Variants in NRG3 observed in about 807,000 individuals in gnomAD.
The protein encoded by NRG3 is pro-neuregulin-3, membrane-bound isoform.
In NRG3, 31 loss-of-function variants were observed where a neutral mutation model predicts 66.9. The observed-to-expected ratio is 0.46, with a 90% confidence interval of 0.35 to 0.63. The LOEUF is 0.63. NRG3 is among the 20% of genes least tolerant of loss of function. The probability of loss-of-function intolerance (pLI) is 0.00; values close to 1 mark genes in which losing one functional copy is unlikely to be tolerated. For synonymous variants in NRG3, 393 were observed against 359.4 expected, an observed-to-expected ratio of 1.09 and a Z score of -1.06; for missense variants, 910 against 878.9, an observed-to-expected ratio of 1.04 and a Z score of -0.45.
intron 1 of NRG3, among the ~76,000 whole-genome samples, chr10:81,920,735 T>C (rs892527923): frequency 6.6e-6 from 1 of 152,186 alleles, no homozygotes; most frequent in Non-Finnish European, 1.5e-5. Flanking sequence ...ACACATCTTA[T>C]TTCACAAAAC....
intron 2 of NRG3, among the ~76,000 whole-genome samples, chr10:82,638,038 T>C (rs1278362317): frequency 2.6e-5 from 4 of 152,182 alleles, no homozygotes; most frequent in Non-Finnish European, 4.4e-5. Flanking sequence ...TTCACTATAT[T>C]GGAAACTTTC....
chr10:82,610,341 G>A (rs974436935), intron 2 of NRG3, among the ~76,000 whole-genome samples: 29 of 146,018 alleles, frequency 2.0e-4, no homozygotes, highest in Middle Eastern at 3.6e-3. Flanking sequence ...CGGTTTCAGG[G>A]ATTAGAGTGT....
intron 1 of NRG3, among the ~76,000 whole-genome samples, chr10:81,910,570 G>T (rs1845039268): frequency 6.6e-6 from 1 of 152,154 alleles, no homozygotes. Context: ...CTCCAGTGTT[G>T]CCTGTTTGTC....
intron 2 of NRG3, among the ~76,000 whole-genome samples, chr10:82,539,575 T>C (rs1305394801): frequency 6.6e-6 from 1 of 152,172 alleles, no homozygotes; most frequent in Non-Finnish European, 1.5e-5. Context: ...TTATGATTTT[T>C]TTCAATCTAA....
At chr10:82,731,381 A>G (rs2057895683) in intron 2 of NRG3, among the ~76,000 whole-genome samples, 1 of 140,154 alleles carries the variant, frequency 7.1e-6, no homozygotes, top group African/African-American at 2.5e-5. Flanking sequence ...AAAAAAAAAA[A>G]AAAAAGAAAA....
chr10:82,022,365 G>A (rs1016940358), intron 1 of NRG3, among the ~76,000 whole-genome samples: 2 of 152,030 alleles, frequency 1.3e-5, no homozygotes, highest in African/African-American at 2.4e-5. Flanking sequence ...GACAAACCCT[G>A]TCAGTCACAT....
rs12355006 is a variant in NRG3, at chr10:82,112,254, C to T, written c.823+236091C>T. Among the ~76,000 whole-genome samples the T allele has an allele frequency of 2.6e-5, 4 of 152,048 alleles. 1 individual carries two copies. The East Asian group carries it at 7.8e-4, about 29-fold the overall frequency. On this transcript the variant is annotated intron_variant, in intron 1 of 8. Transcript: ENST00000372141. ...TGAGACCCTGTCTTAAAAAAGAAAA[C>T]AAAAGAAAACAAAACACCTTGCCTA...
intron 1 of NRG3, among the ~76,000 whole-genome samples, chr10:82,166,550 C>T (rs2072073851): frequency 6.6e-6 from 1 of 151,610 alleles, no homozygotes; most frequent in Admixed American, 6.6e-5. Context: ...TTCACTTTTG[C>T]CCATATTATA....
At chr10:82,978,376 C>A (rs1347299831) in intron 7 of NRG3, among the ~76,000 whole-genome samples, 1 of 152,052 alleles carries the variant, frequency 6.6e-6, no homozygotes, top group African/African-American at 2.4e-5. Context: ...TTATTAAAAG[C>A]AAACTCAGAA....
At chr10:82,786,364 T>C (rs1429066718) in intron 3 of NRG3, among the ~76,000 whole-genome samples, 2 of 152,200 alleles carry the variant, frequency 1.3e-5, no homozygotes, top group African/African-American at 2.4e-5. Context: ...GATTATTGTC[T>C]AGTTTTAAGA....
At chr10:82,843,656 C>T (rs61860664) in intron 3 of NRG3, among the ~76,000 whole-genome samples, 1,999 of 152,128 alleles carry the variant, frequency 0.013, 24 homozygotes, top group Non-Finnish European at 0.02. Context: ...GTGAGCACAG[C>T]AAAGCACAGC....
intron 1 of NRG3, among the ~76,000 whole-genome samples, chr10:82,080,872 T>G (rs1201277220): frequency 1.3e-5 from 2 of 152,238 alleles, no homozygotes; most frequent in East Asian, 3.9e-4. Flanking sequence ...AAAATCTCTA[T>G]CCATTAAACA....
chr10:82,266,639 G>A lies in NRG3; in HGVS notation c.824-92100G>A, dbSNP rs114473270. 4.8e-3 allele frequency among the ~76,000 whole-genome samples: 737 copies of A among 152,180 alleles called. 7 individuals are homozygous for A. Among genetic ancestry groups the A allele is most frequent in the African/African-American group, 0.017 (702 of 41,534 alleles). On this transcript the variant is annotated intron_variant, in intron 1 of 8. Transcript: ENST00000372141. ...CCAGGATGTGGTACTGTTTTGACAC[G>A]GTCCAAGCTGGATGATGTAAGCAGG... is the stretch of plus-strand genomic sequence containing the variant.
intron 2 of NRG3, among the ~76,000 whole-genome samples, chr10:82,372,994 TTGAATAA>T (rs1489729427): frequency 3.9e-5 from 6 of 152,228 alleles, no homozygotes; most frequent in Non-Finnish European, 8.8e-5. Flanking sequence ...CTGATCATTG[TTGAATAA>T]TGAAACTTTA....
chr10:82,296,587 A>G (rs1221036729), intron 1 of NRG3, among the ~76,000 whole-genome samples: 1 of 152,216 alleles, frequency 6.6e-6, no homozygotes, highest in East Asian at 1.9e-4. Context: ...GACCATGCAT[A>G]CAAATTGTAA....
At chr10:82,272,530 G>T (rs2078650225) in intron 1 of NRG3, among the ~76,000 whole-genome samples, 1 of 151,952 alleles carries the variant, frequency 6.6e-6, no homozygotes, top group South Asian at 2.1e-4. Context: ...AGAATTTGGT[G>T]GCTATTTATG....
chr10:82,305,436 C>T (rs2080668771), intron 1 of NRG3, among the ~76,000 whole-genome samples: 1 of 152,038 alleles, frequency 6.6e-6, no homozygotes, highest in Non-Finnish European at 1.5e-5. Context: ...TGTTCAAAAA[C>T]CCCTTTAGAG....
chr10:82,416,411 G>A (rs1236204079), intron 2 of NRG3, among the ~76,000 whole-genome samples: 1 of 152,158 alleles, frequency 6.6e-6, no homozygotes, highest in Non-Finnish European at 1.5e-5. Context: ...CATTTGTATA[G>A]AGTGCCAAGC....
intron 1 of NRG3, among the ~76,000 whole-genome samples, chr10:82,016,443 T>A (rs1466961923): frequency 6.6e-6 from 1 of 151,960 alleles, no homozygotes; most frequent in Non-Finnish European, 1.5e-5. Flanking sequence ...ATGCGAGATG[T>A]TAACTATGGA....
Sources: gnomAD v4.1 joint callset for allele counts (sites outside exome capture counted in the v4.1 genomes callset) on GRCh38, gnomAD v4.1.1 for gene constraint, MANE v1.5 for transcripts, NCBI Gene and HGNC (gene_info 2026-07-23, HGNC 2026-07-21) for gene names.